Variants in TRAPPC9 observed in about 807,000 individuals in gnomAD.
TRAPPC9 encodes the protein IKK2 binding protein.
TRAPPC9 carries 83 observed loss-of-function variants against 124.0 expected under a neutral mutation model. The observed-to-expected ratio is 0.67, with a 90% CI of 0.56 to 0.80. TRAPPC9 has a LOEUF of 0.80. Ranked by LOEUF, TRAPPC9 falls within the 30% of genes least tolerant of loss-of-function variation. The pLI, the probability that TRAPPC9 is intolerant of heterozygous loss-of-function variation, is 0.00. For synonymous variants in TRAPPC9, 638 were observed against 617.5 expected (o/e 1.03, Z -0.49); for missense variants, 1,302 against 1,508.3 (o/e 0.86, Z 2.27).
intron 16 of TRAPPC9, 80 bp from the exon 17 acceptor site, chr8:140,221,663 G>A: frequency 6.6e-7 from 1 of 1,525,108 alleles, no homozygotes; most frequent in Non-Finnish European, 8.8e-7. Context: ...GTTTGGGACG[G>A]GTCTCGCTCT....
chr8:140,346,195 G>A (rs192523289), intron 9 of TRAPPC9, among the ~76,000 whole-genome samples: 6 of 152,304 alleles, frequency 3.9e-5, no homozygotes, highest in African/African-American at 9.6e-5. Context: ...GGAGTGCATC[G>A]GCTGGGGAGG....
At chr8:140,371,267 A>G in intron 7 of TRAPPC9, 87 bp from the exon 8 acceptor site, 1 of 1,289,260 alleles carries the variant, frequency 7.8e-7, no homozygotes, top group Non-Finnish European at 1.1e-6. Context: ...TCTTCATAAA[A>G]CAAAGACCTG....
In TRAPPC9 at chr8:139,962,099, A is replaced by T. The variant is rs1461515638; in HGVS notation, c.2810+26627T>A. Among the ~76,000 whole-genome samples the T allele has an allele frequency of 4.0e-5, 5 of 123,860 alleles. 1 individual carries two copies. Among genetic ancestry groups the T allele is most frequent in the Non-Finnish European group, 9.6e-5 (5 of 51,926 alleles). 81.3% of individuals were successfully genotyped at this position (123,860 alleles called of 152,430 possible). A position where few individuals can be genotyped will look rare whatever the true frequency, so the allele number is the denominator to read the frequency against. ...ACACTTGAAGGATGACTTGCCTACA[A>T]AGAGGAGCTATCCACTGTGGTCTCC... On this transcript the variant is annotated intron_variant, in intron 19 of 22. Coordinates refer to ENST00000438773, the MANE Select transcript of TRAPPC9 (RefSeq NM_001160372.4).
chr8:139,943,187 C>T (rs1264923074), intron 19 of TRAPPC9, among the ~76,000 whole-genome samples: 2 of 152,198 alleles, frequency 1.3e-5, no homozygotes, highest in African/African-American at 2.4e-5. Flanking sequence ...CTGTCTCAGC[C>T]TCCCAAGTAG....
intron 19 of TRAPPC9, among the ~76,000 whole-genome samples, chr8:139,912,028 T>C (rs903305303): frequency 1.3e-5 from 2 of 152,142 alleles, no homozygotes; most frequent in South Asian, 2.1e-4. Context: ...TGGCAAAACA[T>C]GGTTTTTAAA....
intron 16 of TRAPPC9, among the ~76,000 whole-genome samples, chr8:140,235,717 T>G (rs978987886): frequency 1.3e-5 from 2 of 152,202 alleles, no homozygotes; most frequent in African/African-American, 4.8e-5. Flanking sequence ...AGAACCACTT[T>G]GAAAATCTGT....
chr8:139,878,056 A>G (rs535802431), intron 21 of TRAPPC9, among the ~76,000 whole-genome samples: 1 of 152,332 alleles, frequency 6.6e-6, no homozygotes, highest in African/African-American at 2.4e-5. Flanking sequence ...TCGCCCCAAA[A>G]CACAGAAAAG....
chr8:139,794,732 G>T (rs192774796), intron 21 of TRAPPC9, among the ~76,000 whole-genome samples: 2 of 152,292 alleles, frequency 1.3e-5, no homozygotes, highest in East Asian at 3.9e-4. Flanking sequence ...AGGCTATGCT[G>T]GTCCCTGCCA....
intron 19 of TRAPPC9, among the ~76,000 whole-genome samples, chr8:139,946,040 T>C (rs536531761): frequency 6.6e-6 from 1 of 152,358 alleles, no homozygotes; most frequent in South Asian, 2.1e-4. Context: ...ACTCATTTTC[T>C]GAAATGGAAG....
At chr8:140,085,425 ATC>A (rs1844123882) in intron 17 of TRAPPC9, among the ~76,000 whole-genome samples, 1 of 152,040 alleles carries the variant, frequency 6.6e-6, no homozygotes, top group Non-Finnish European at 1.5e-5. Context: ...TCCTGATAAA[ATC>A]TCTCTCTTTA....
chr8:140,448,156 A>G (rs1017647548), intron 2 of TRAPPC9, among the ~76,000 whole-genome samples: 5 of 151,940 alleles, frequency 3.3e-5, no homozygotes, highest in African/African-American at 9.6e-5. Flanking sequence ...AAAAAAAAAA[A>G]AAAAAAAAAA....
intron 17 of TRAPPC9, among the ~76,000 whole-genome samples, chr8:140,120,599 C>T (rs761945071): frequency 1.5e-4 from 22 of 146,622 alleles, no homozygotes; most frequent in Admixed American, 9.4e-4. Context: ...TCCATCCATC[C>T]ATCATCCAAC....
chr8:139,820,152 T>C (rs1321955331), intron 21 of TRAPPC9, among the ~76,000 whole-genome samples: 1 of 151,844 alleles, frequency 6.6e-6, no homozygotes, highest in African/African-American at 2.4e-5. Flanking sequence ...ACTCTTAAAA[T>C]GGAGAGAGAA....
At chr8:140,421,801 A>T (rs530031393) in intron 5 of TRAPPC9, among the ~76,000 whole-genome samples, 1 of 152,226 alleles carries the variant, frequency 6.6e-6, no homozygotes, top group African/African-American at 2.4e-5. Flanking sequence ...TCATGACACT[A>T]CCTTTATTAG....
intron 17 of TRAPPC9, 98 bp downstream of exon 17, chr8:140,221,361 C>G: frequency 1.3e-6 from 2 of 1,533,078 alleles, no homozygotes; most frequent in Admixed American, 1.7e-5. Context: ...ATACACATAG[C>G]CTTTCCTTTC....
intron 9 of TRAPPC9, among the ~76,000 whole-genome samples, chr8:140,337,264 C>T (rs1369604060): frequency 1.3e-5 from 2 of 152,170 alleles, no homozygotes; most frequent in Admixed American, 1.3e-4. Context: ...CATGAAGGCA[C>T]ATGTTACACC....
At chr8:140,190,365 G>A (rs1343972657) in intron 17 of TRAPPC9, among the ~76,000 whole-genome samples, 2 of 152,200 alleles carry the variant, frequency 1.3e-5, no homozygotes, top group African/African-American at 4.8e-5. Flanking sequence ...GGCTGAGGCA[G>A]GAGAAGTGCT....
intron 21 of TRAPPC9, among the ~76,000 whole-genome samples, chr8:139,785,395 C>T (rs956327259): frequency 4.6e-5 from 7 of 152,200 alleles, no homozygotes; most frequent in African/African-American, 1.4e-4. Context: ...ACCAAAAGCA[C>T]ATGCCTTAAA....
At chr8:139,791,545 G>A in intron 21 of TRAPPC9, among the ~76,000 whole-genome samples, 1 of 131,578 alleles carries the variant, frequency 7.6e-6, no homozygotes, top group East Asian at 2.4e-4. Flanking sequence ...CGTCTCTCCT[G>A]CACTCACTCA....
Sources: gnomAD v4.1 joint callset for allele counts (sites outside exome capture counted in the v4.1 genomes callset) on GRCh38, gnomAD v4.1.1 for gene constraint, MANE v1.5 for transcripts, NCBI Gene and HGNC (gene_info 2026-07-23, HGNC 2026-07-21) for gene names.